CGAS: variants seen among roughly 807,000 people sequenced by gnomAD.
CGAS encodes the protein 2'3'-cGAMP synthase.
A neutral mutation model predicts 34.0 loss-of-function variants in CGAS; 31 were observed. The ratio of observed to expected loss-of-function variants is 0.91; its 90% CI spans 0.69 to 1.23. The LOEUF (loss-of-function observed/expected upper bound fraction) is 1.23, where lower values mean the gene tolerates loss of function less well. Among genes scored for constraint, CGAS ranks in the 50% most tolerant of loss-of-function variants. CGAS has a pLI of 0.00. For missense variants in CGAS, 597 were observed against 657.6 expected (o/e 0.91, Z 1.01); for synonymous variants, 266 against 260.0 (o/e 1.02, Z -0.22).
At chr6:73,433,386 C>T (rs1437329852) in intron 3 of CGAS, among the ~76,000 whole-genome samples, 5 of 151,460 alleles carry the variant, frequency 3.3e-5, no homozygotes, top group Non-Finnish European at 7.4e-5. Context: ...GTAACTAAGA[C>T]TACAAGCTAC....
chr6:73,444,310 A>ATTTT (rs1562294138), intron 2 of CGAS, among the ~76,000 whole-genome samples: 3 of 149,410 alleles, frequency 2.0e-5, no homozygotes, highest in African/African-American at 7.5e-5. Flanking sequence ...AATTTAATTT[A>ATTTT]ATTTTATTTT....
chr6:73,451,888 G>A lies in CGAS; in HGVS notation c.294C>T (p.Ser98=), dbSNP rs1188452577. ...GCTCCAGCCCCTCTGCCCCAGGGGC[G>A]CTGGTGGCGTCAGACGGCTGCGTGT... ...AQDTQPSDAT[S]APGAEGLEPP... Residue 98 remains serine, a synonymous_variant, in exon 1 of 5, where the codon AGC becomes AGT. Coordinates refer to ENST00000370315, the MANE Select transcript of CGAS (RefSeq NM_138441.3). 3 of 1,537,332 alleles carry A rather than the reference G, an allele frequency of 2.0e-6. No homozygotes were observed. The highest frequency in any genetic ancestry group is 1.9e-4 in the Middle Eastern group (1 of 5,330).
At chr6:73,442,593 CTTTCTT>C (rs1770397508) in intron 2 of CGAS, among the ~76,000 whole-genome samples, 1 of 144,704 alleles carries the variant, frequency 6.9e-6, no homozygotes, top group African/African-American at 2.6e-5. Flanking sequence ...TTTCTTTTTT[CTTTCTT>C]TTTTTTTTTT....
intron 1 of CGAS, among the ~76,000 whole-genome samples, chr6:73,451,288 C>T (rs1487210463): frequency 6.6e-6 from 1 of 152,164 alleles, no homozygotes; most frequent in East Asian, 1.9e-4. Context: ...TGAATTCCCC[C>T]GGGAGCAGTG....
chr6:73,451,732 G>T lies in CGAS; in HGVS notation c.450C>A (p.Ala150=). 3 of 1,612,638 alleles carry T rather than the reference G, an allele frequency of 1.9e-6. No homozygotes were observed. The highest frequency in any genetic ancestry group is 2.5e-6 in the Non-Finnish European group (3 of 1,179,590). Residue 150 remains alanine (A), a synonymous_variant, in exon 1 of 5, where the codon GCC becomes GCA. Transcript: ENST00000370315. ...DVPSPGLPVS[A]PILVRRDAAP... ...CCGCATCCCTCCGTACGAGAATGGG[G>T]GCCGAGACCGGCAGGCCGGGGCTGG...
chr6:73,435,363 C>T (rs1427083089), intron 3 of CGAS, among the ~76,000 whole-genome samples: 1 of 152,132 alleles, frequency 6.6e-6, no homozygotes, highest in Non-Finnish European at 1.5e-5. Flanking sequence ...TTTAACAAGT[C>T]AGTGAGGTTG....
intron 2 of CGAS, among the ~76,000 whole-genome samples, chr6:73,444,693 G>A (rs1770440610): frequency 6.6e-6 from 1 of 152,114 alleles, no homozygotes; most frequent in African/African-American, 2.4e-5. Context: ...ATTTACTCTG[G>A]CTTCTAAGGA....
At chr6:73,446,999 T>A (rs113768418) in intron 1 of CGAS, among the ~76,000 whole-genome samples, 1 of 152,112 alleles carries the variant, frequency 6.6e-6, no homozygotes. Context: ...GAGGTTGCAG[T>A]GAGCCGAGAT....
chr6:73,446,863 C>T (rs1770481695), intron 1 of CGAS, among the ~76,000 whole-genome samples: 2 of 151,980 alleles, frequency 1.3e-5, no homozygotes, highest in Admixed American at 1.3e-4. Flanking sequence ...CAAGGCCATC[C>T]TGGCCAACAT....
intron 2 of CGAS, 102 bp from the exon 3 acceptor site, chr6:73,440,547 A>C: frequency 9.7e-7 from 1 of 1,027,630 alleles, no homozygotes; most frequent in Non-Finnish European, 1.4e-6. Context: ...CTGGTGTGCT[A>C]AGTATGAAGT....
At chr6:73,450,164 C>G (rs1478847823) in intron 1 of CGAS, among the ~76,000 whole-genome samples, 1 of 151,836 alleles carries the variant, frequency 6.6e-6, no homozygotes, top group Non-Finnish European at 1.5e-5. Flanking sequence ...CGCCTGTAAT[C>G]CCAGCACTTT....
At position 73,445,540 on chromosome 6, in the gene CGAS, T is replaced by C. The variant is rs955664376; in HGVS notation, c.865A>G (p.Asn289Asp). 4 of 1,601,312 alleles carry C rather than the reference T, an allele frequency of 2.5e-6. No individual in the cohort carries two copies. The African/African-American group carries it at 5.4e-5, about 22-fold the overall frequency. ...GCAAAAGTCTTACCTTTAATGTCGT[T>C]AATTTCTTCCTTAATGATTTTCCTA... ...KFRKIIKEEINDIKDTDVIMK... is the reference protein window; with the variant it reads ...KFRKIIKEEIDDIKDTDVIMK... Residue 289 changes from asparagine to aspartate, a missense_variant, in exon 2 of 5, where the codon AAC becomes GAC. This residue lies in a region of CGAS where 271 missense variants were observed against 324.1 expected (regional missense o/e 0.84). Transcript: ENST00000370315.
intron 4 of CGAS, among the ~76,000 whole-genome samples, chr6:73,426,728 GAATT>G (rs1206374457): frequency 6.6e-6 from 1 of 151,510 alleles, no homozygotes; most frequent in African/African-American, 2.4e-5. Flanking sequence ...TTGTATCACA[GAATT>G]ATTTACATTA....
At chr6:73,435,982 G>A (rs993635665) in intron 3 of CGAS, among the ~76,000 whole-genome samples, 7 of 151,850 alleles carry the variant, frequency 4.6e-5, no homozygotes, top group African/African-American at 1.7e-4. Context: ...AAGATAAAAG[G>A]ACAGTCAAAA....
rs552904014 is a variant in CGAS, at chr6:73,428,953, G to A, written c.1115-142C>T. The A allele has an allele frequency of 6.2e-4, 431 of 700,390 alleles. 1 individual carries two copies. The highest frequency in any genetic ancestry group is 4.1e-3 in the Middle Eastern group (10 of 2,420). 43.4% of individuals were successfully genotyped at this position (700,390 alleles called of 1,614,324 possible). On this transcript the variant is annotated intron_variant, in intron 3 of 4. Transcript: ENST00000370315. ...TGTAATCTCAGTACTTTGGGAGGCC[G>A]AGGAGGGTGGGTCACCTGAGGTCGG... is the stretch of plus-strand genomic sequence containing the variant.
chr6:73,429,805 A>G (rs532156521), intron 3 of CGAS, among the ~76,000 whole-genome samples: 212 of 152,210 alleles, frequency 1.4e-3, no homozygotes, highest in East Asian at 3.5e-3. Context: ...CAGCCTGGGC[A>G]ACAGCACAAG....
chr6:73,450,559 T>C (rs1447057389), intron 1 of CGAS, among the ~76,000 whole-genome samples: 1 of 152,152 alleles, frequency 6.6e-6, no homozygotes, highest in African/African-American at 2.4e-5. Context: ...CACAAGCAAA[T>C]GGAGCTGTGT....
intron 3 of CGAS, among the ~76,000 whole-genome samples, chr6:73,430,529 T>A (rs1266038159): frequency 2.0e-5 from 3 of 152,032 alleles, no homozygotes; most frequent in Non-Finnish European, 4.4e-5. Flanking sequence ...TAGTCCCAGC[T>A]ACTTGGGAGG....
At chr6:73,441,453 T>C (rs888296061) in intron 2 of CGAS, among the ~76,000 whole-genome samples, 1 of 152,052 alleles carries the variant, frequency 6.6e-6, no homozygotes, top group African/African-American at 2.4e-5. Flanking sequence ...CAAATCAACA[T>C]AAGTGGTCAT....
Sources: gnomAD v4.1 joint callset for allele counts (sites outside exome capture counted in the v4.1 genomes callset) on GRCh38, gnomAD v4.1.1 for gene constraint, gnomAD v4.1.1 regional missense constraint, MANE v1.5 for transcripts, NCBI Gene and HGNC (gene_info 2026-07-23, HGNC 2026-07-21) for gene names.